ASZ1: variants seen among roughly 807,000 people sequenced by gnomAD.
ASZ1 encodes the protein ankyrin repeat, SAM and basic leucine zipper domain containing 1, also known as ankyrin repeat, SAM and basic leucine zipper domain-containing protein 1.
ASZ1 carries 67 observed loss-of-function variants against 61.8 expected under a neutral mutation model. The observed-to-expected ratio is 1.08, with a 90% CI of 0.89 to 1.33. The LOEUF (loss-of-function observed/expected upper bound fraction) is 1.33. ASZ1 is among the 40% of genes most tolerant of loss of function. ASZ1 has a pLI of 0.00. For missense variants in ASZ1, 577 were observed against 554.5 expected (o/e 1.04, Z -0.41); for synonymous variants, 193 against 192.7 (o/e 1.00, Z -0.01).
At chr7:117,368,060 G>T in intron 11 of ASZ1, 1 of 343,336 alleles carries the variant, frequency 2.9e-6, no homozygotes, top group Non-Finnish European at 4.1e-6. Flanking sequence ...TTTCAGCTAG[G>T]ACTAGAGGCA....
chr7:117,379,613 C>A (rs1020560285), intron 10 of ASZ1, among the ~76,000 whole-genome samples: 3 of 151,560 alleles, frequency 2.0e-5, no homozygotes, highest in African/African-American at 7.3e-5. Context: ...TCAATTTAAC[C>A]TCTAAAATGA....
chr7:117,382,153 A>G lies in ASZ1; in HGVS notation c.813-9T>C. ...CAAATGCTGTATATGAACTGTATACATTTATAGCAATGTCAATTTCAGAAC... is the reference window on the plus strand; with the variant it reads ...CAAATGCTGTATATGAACTGTATACGTTTATAGCAATGTCAATTTCAGAAC... On this transcript the variant is annotated splice_polypyrimidine_tract_variant and intron_variant, in intron 7 of 12. Coordinates refer to ENST00000284629, the MANE Select transcript of ASZ1 (RefSeq NM_130768.3). 6.6e-7 allele frequency: 1 copy of G among 1,512,978 alleles called. No individual in the cohort carries two copies. Among genetic ancestry groups the G allele is most frequent in the Non-Finnish European group, 9.2e-7 (1 of 1,091,852 alleles). 93.7% of individuals were successfully genotyped at this position (1,512,978 alleles called of 1,614,324 possible). A position where few individuals can be genotyped will look rare whatever the true frequency, so the allele number is the denominator to read the frequency against.
At chr7:117,424,326 T>C (rs1203243279) in intron 2 of ASZ1, among the ~76,000 whole-genome samples, 1 of 152,116 alleles carries the variant, frequency 6.6e-6, no homozygotes, top group East Asian at 1.9e-4. Context: ...ATAATGACTT[T>C]GAAAGGCAAA....
chr7:117,406,809 A>T (rs1796792472), intron 4 of ASZ1, among the ~76,000 whole-genome samples: 2 of 152,192 alleles, frequency 1.3e-5, no homozygotes, highest in Admixed American at 1.3e-4. Flanking sequence ...GCACAAATAC[A>T]GGGGTGGAAT....
intron 4 of ASZ1, among the ~76,000 whole-genome samples, chr7:117,412,774 A>G (rs1796920116): frequency 6.6e-6 from 1 of 151,574 alleles, no homozygotes; most frequent in Non-Finnish European, 1.5e-5. Flanking sequence ...AATGTAAAAA[A>G]AAAATCTTTT....
At chr7:117,416,565 A>C (rs1337099276) in intron 4 of ASZ1, among the ~76,000 whole-genome samples, 1 of 152,176 alleles carries the variant, frequency 6.6e-6, no homozygotes, top group Non-Finnish European at 1.5e-5. Flanking sequence ...GAACAGAAAA[A>C]ATTTATAGTG....
chr7:117,371,160 A>G (rs1796044106), intron 10 of ASZ1, among the ~76,000 whole-genome samples: 1 of 152,136 alleles, frequency 6.6e-6, no homozygotes. Context: ...AGAAATTCTT[A>G]CTTGTAGAAG....
chr7:117,384,114 C>T (rs1297678140), intron 6 of ASZ1, among the ~76,000 whole-genome samples: 1 of 152,050 alleles, frequency 6.6e-6, no homozygotes, highest in African/African-American at 2.4e-5. Flanking sequence ...TTGTACTATA[C>T]TTGATCCTTG....
chr7:117,367,929 T>G (rs1187011569), intron 11 of ASZ1: 22 of 932,014 alleles, frequency 2.4e-5, no homozygotes, highest in Non-Finnish European at 2.8e-5. Context: ...TTGCCCAGGC[T>G]GGAGTGCAGT....
At chr7:117,380,843 T>G (rs1796236114) in intron 9 of ASZ1, among the ~76,000 whole-genome samples, 168 bp downstream of exon 9, 1 of 151,886 alleles carries the variant, frequency 6.6e-6, no homozygotes, top group Admixed American at 6.6e-5. Context: ...AACTTAATAC[T>G]AACACAAGAT....
intron 12 of ASZ1, 92 bp from the exon 13 acceptor site, chr7:117,363,840 T>G: frequency 9.3e-7 from 1 of 1,070,224 alleles, no homozygotes; most frequent in Non-Finnish European, 1.2e-6. Flanking sequence ...ATATCCATGT[T>G]AATTCATTTC....
chr7:117,371,045 G>C (rs1382289228), intron 10 of ASZ1, among the ~76,000 whole-genome samples: 1 of 151,992 alleles, frequency 6.6e-6, no homozygotes, highest in Admixed American at 6.6e-5. Context: ...GGCTCGCCTT[G>C]AACTCCTGGC....
At position 117,367,453 on chromosome 7, in the gene ASZ1, A is replaced by C. The variant is rs1795965128; in HGVS notation, c.1174T>G (p.Trp392Gly). 6.5e-7 allele frequency: 1 copy of C among 1,533,320 alleles called. No homozygotes were observed. The highest frequency in any genetic ancestry group is 8.8e-7 in the Non-Finnish European group (1 of 1,141,782). 95.0% of individuals were successfully genotyped at this position (1,533,320 alleles called of 1,614,324 possible). The change falls in exon 12 of 13, where the codon TGG (tryptophan) becomes GGG (glycine). Residue 392 changes from tryptophan to glycine, a missense_variant. By Grantham distance (184) the Trp-to-Gly change is radical. Coordinates refer to ENST00000284629, the MANE Select transcript of ASZ1 (RefSeq NM_130768.3). ...GAAGTAAAATTCTGGGGAGAAGCCC[A>C]TTCCAGTGTTATCTGTTAATATTTT... The part of the protein sequence containing the change: ...PVNSQKITLE[W>G]ASPQNFTSVC...
chr7:117,397,479 G>A (rs1031727508), intron 4 of ASZ1, among the ~76,000 whole-genome samples: 2 of 152,172 alleles, frequency 1.3e-5, no homozygotes, highest in Non-Finnish European at 2.9e-5. Flanking sequence ...CTGTAAAGCT[G>A]AGAACATAAA....
intron 2 of ASZ1, among the ~76,000 whole-genome samples, chr7:117,425,189 A>G (rs1797173077): frequency 6.6e-6 from 1 of 152,112 alleles, no homozygotes; most frequent in Non-Finnish European, 1.5e-5. Context: ...TTTTGTATCT[A>G]CAATGGCAAA....
intron 1 of ASZ1, 91 bp from the exon 2 acceptor site, chr7:117,427,026 GT>G: frequency 6.1e-6 from 8 of 1,304,194 alleles, no homozygotes; most frequent in East Asian, 2.5e-5. Flanking sequence ...AAGTACACAG[GT>G]TTTTTTTCTT....
chr7:117,379,090 T>C (rs1249831514), intron 10 of ASZ1, among the ~76,000 whole-genome samples: 1 of 148,092 alleles, frequency 6.8e-6, no homozygotes, highest in Non-Finnish European at 1.5e-5. Flanking sequence ...GTTAAGTACA[T>C]TGAACACGGA....
At chr7:117,403,194 G>A (rs958909571) in intron 4 of ASZ1, among the ~76,000 whole-genome samples, 11 of 152,008 alleles carry the variant, frequency 7.2e-5, no homozygotes, top group Admixed American at 1.3e-4. Context: ...ATAAGAAAAC[G>A]TTACGTACCA....
chr7:117,400,721 T>G (rs1796663960), intron 4 of ASZ1, among the ~76,000 whole-genome samples: 2 of 152,144 alleles, frequency 1.3e-5, no homozygotes, highest in Admixed American at 6.5e-5. Flanking sequence ...AAGCTAAAAC[T>G]AGATGCTAAG....
Sources: allele counts gnomAD v4.1 joint callset (sites outside exome capture counted in the v4.1 genomes callset), GRCh38; gene constraint gnomAD v4.1.1; transcripts MANE v1.5; gene names NCBI Gene and HGNC (gene_info 2026-07-23, HGNC 2026-07-21).